The following SMOC1 variants were observed in gnomAD, a reference collection of about 807,000 sequenced individuals.
The protein encoded by SMOC1 is SPARC-related modular calcium-binding protein 1.
A neutral mutation model predicts 56.3 loss-of-function variants in SMOC1; 22 were observed. The ratio of observed to expected loss-of-function variants is 0.39; its 90% confidence interval spans 0.28 to 0.56. SMOC1 has a LOEUF of 0.56. SMOC1 is among the 20% of genes least tolerant of loss of function. The probability of loss-of-function intolerance (pLI) is 0.61; values close to 1 mark genes in which losing one functional copy is unlikely to be tolerated. For missense variants in SMOC1, 509 were observed against 565.4 expected, an observed-to-expected ratio of 0.90 and a Z score of 1.01; for synonymous variants, 193 against 215.0, an observed-to-expected ratio of 0.90 and a Z score of 0.89.
intron 1 of SMOC1, among the ~76,000 whole-genome samples, chr14:69,889,759 C>G (rs1390422531): frequency 6.6e-6 from 1 of 152,196 alleles, no homozygotes; most frequent in Non-Finnish European, 1.5e-5. Context: ...TTCTGGAGCT[C>G]TAGGAGAGAA....
intron 3 of SMOC1, among the ~76,000 whole-genome samples, chr14:69,969,820 C>T (rs1396627741): frequency 2.6e-5 from 4 of 152,160 alleles, no homozygotes; most frequent in African/African-American, 9.7e-5. Flanking sequence ...GTTATTTGGC[C>T]AGAGGACACC....
chr14:70,002,807 T>C (rs1885015469), intron 7 of SMOC1, among the ~76,000 whole-genome samples: 1 of 152,236 alleles, frequency 6.6e-6, no homozygotes, highest in Non-Finnish European at 1.5e-5. Context: ...TAAAACCCCC[T>C]GTGGCTAAAT....
chr14:69,893,461 A>AG (rs1884017294), intron 1 of SMOC1, among the ~76,000 whole-genome samples: 1 of 152,140 alleles, frequency 6.6e-6, no homozygotes, highest in African/African-American at 2.4e-5. Flanking sequence ...CAAAGCTCTG[A>AG]GGGGGAAACT....
chr14:69,980,962 G>A (rs746045139), intron 5 of SMOC1, among the ~76,000 whole-genome samples: 6 of 152,104 alleles, frequency 3.9e-5, no homozygotes, highest in African/African-American at 1.4e-4. Flanking sequence ...GGGAGGGATC[G>A]GCTGTCCCTC....
At chr14:69,931,975 G>A (rs1273471528) in intron 1 of SMOC1, among the ~76,000 whole-genome samples, 1 of 152,204 alleles carries the variant, frequency 6.6e-6, no homozygotes, top group African/African-American at 2.4e-5. Flanking sequence ...GTGTCGCGCA[G>A]GGAGCGGGGC....
At position 70,030,242 on chromosome 14, in the gene SMOC1, T is replaced by C. The variant is rs1343927975; in HGVS notation, c.1292T>C (p.Val431Ala). ...LKGCLGVSKE[V>A]GRLV ...TTTGCATTCTCCTTCCTTCTCTCAG[T>C]AGGACGCCTCGTCTAAGGAGCAGAA... Residue 431 changes from valine to alanine, a missense_variant and splice_region_variant, in exon 12 of 12, where the codon GTA (valine) becomes GCA (alanine). Transcript: ENST00000361956. 6.2e-7 allele frequency: 1 copy of C among 1,609,810 alleles called. No individual in the cohort carries two copies. Among genetic ancestry groups the C allele is most frequent in the Non-Finnish European group, 8.5e-7 (1 of 1,178,808 alleles).
chr14:69,906,784 T>G (rs975213165), intron 1 of SMOC1, among the ~76,000 whole-genome samples: 1 of 152,106 alleles, frequency 6.6e-6, no homozygotes, highest in Non-Finnish European at 1.5e-5. Context: ...ATTAGTGACT[T>G]CAATAGGAAC....
At chr14:70,017,016 C>G (rs896296744) in intron 10 of SMOC1, among the ~76,000 whole-genome samples, 2 of 152,202 alleles carry the variant, frequency 1.3e-5, no homozygotes, top group Non-Finnish European at 1.5e-5. Flanking sequence ...AGAGAAGAAA[C>G]ATTTTCTGTC....
intron 5 of SMOC1, among the ~76,000 whole-genome samples, chr14:69,980,065 G>C (rs185546360): frequency 7.2e-6 from 1 of 139,366 alleles, no homozygotes; most frequent in African/African-American, 2.5e-5. Context: ...AGCTGGAAGT[G>C]GGGGGGTGAG....
chr14:69,885,391 G>A lies in SMOC1; in HGVS notation c.99+5614G>A, dbSNP rs923356431. 5.0e-6 allele frequency: 8 copies of A among 1,599,034 alleles called. No homozygotes were observed. In the African/African-American group the frequency reaches 6.7e-5, roughly 13 times the overall value. On this transcript the variant is annotated intron_variant, in intron 1 of 11. Transcript: ENST00000361956. The stretch of plus-strand genomic sequence containing the variant: ...TAGCCTTTGCCTTTTTGCGCTTGGC[G>A]ATACGAGCCACAGACTTAGGACCCA...
Position 69,974,802 on chromosome 14 carries a change from G to C in SMOC1, c.379-913G>C, listed in dbSNP as rs191856447. Among the ~76,000 whole-genome samples the C allele has an allele frequency of 1.6e-4, 25 of 152,258 alleles. 1 individual carries two copies. Among genetic ancestry groups the C allele is most frequent in the Admixed American group, 1.6e-3 (25 of 15,290 alleles). On this transcript the variant is annotated intron_variant, in intron 3 of 11. Coordinates refer to ENST00000361956, the MANE Select transcript of SMOC1 (RefSeq NM_001034852.3). ...GACCTGATCTTGGAGGCTTGAGGAA[G>C]ATCACACAGTGGTGCAGCAGGGCAT...
chr14:69,958,665 A>G (rs966448606), intron 3 of SMOC1, among the ~76,000 whole-genome samples: 4 of 152,236 alleles, frequency 2.6e-5, no homozygotes, highest in African/African-American at 9.6e-5. Flanking sequence ...TCGTGTCCAC[A>G]TTTTGGGCCT....
intron 5 of SMOC1, among the ~76,000 whole-genome samples, chr14:69,985,602 C>A (rs1362800684): frequency 6.6e-6 from 1 of 152,122 alleles, no homozygotes; most frequent in Non-Finnish European, 1.5e-5. Flanking sequence ...CAGAAATAAA[C>A]AATTTGTAAG....
intron 1 of SMOC1, among the ~76,000 whole-genome samples, chr14:69,909,588 C>T (rs1476376614): frequency 6.6e-6 from 1 of 152,094 alleles, no homozygotes; most frequent in African/African-American, 2.4e-5. Context: ...AAAAGCTTTT[C>T]AAAATTGTGA....
At chr14:69,998,312 A>G (rs1216935726) in intron 7 of SMOC1, among the ~76,000 whole-genome samples, 1 of 152,140 alleles carries the variant, frequency 6.6e-6, no homozygotes, top group Non-Finnish European at 1.5e-5. Context: ...TGCATTCAGG[A>G]AGACAATGTA....
rs769066219 is a variant in SMOC1 at position 70,030,235 on chromosome 14, C to G, written c.1292-7C>G. On this transcript the variant is annotated splice_polypyrimidine_tract_variant and splice_region_variant and intron_variant, in intron 11 of 11. Coordinates refer to ENST00000361956, the MANE Select transcript of SMOC1 (RefSeq NM_001034852.3). ...TTTTTTTTTTGCATTCTCCTTCCTT[C>G]TCTCAGTAGGACGCCTCGTCTAAGG... 5.9e-5 allele frequency: 91 copies of G among 1,552,518 alleles called. 2 individuals are homozygous for G. In the South Asian group the frequency reaches 9.9e-4, roughly 17 times the overall value.
chr14:69,962,511 G>A (rs1360744436), intron 3 of SMOC1, among the ~76,000 whole-genome samples: 1 of 151,976 alleles, frequency 6.6e-6, no homozygotes, highest in Non-Finnish European at 1.5e-5. Flanking sequence ...CTCCCATCCT[G>A]TGGGTTCTTT....
chr14:70,014,317 GT>G (rs774727349), intron 10 of SMOC1, among the ~76,000 whole-genome samples: 3 of 152,234 alleles, frequency 2.0e-5, no homozygotes, highest in Non-Finnish European at 4.4e-5. Context: ...GTCTCACTCA[GT>G]CTGGAGGAGT....
chr14:69,917,588 G>A (rs1483831510), intron 1 of SMOC1, among the ~76,000 whole-genome samples: 1 of 152,244 alleles, frequency 6.6e-6, no homozygotes, highest in Non-Finnish European at 1.5e-5. Flanking sequence ...GAGAACACAA[G>A]ACAGTGTGTG....
Sources: gnomAD v4.1 joint callset for allele counts (sites outside exome capture counted in the v4.1 genomes callset) on GRCh38, gnomAD v4.1.1 for gene constraint, MANE v1.5 for transcripts, NCBI Gene and HGNC (gene_info 2026-07-23, HGNC 2026-07-21) for gene names.